NLRP9: variants seen among roughly 807,000 people sequenced by gnomAD.
The protein encoded by NLRP9 is NLR family pyrin domain containing 9, also known as NACHT, LRR and PYD domains-containing protein 9.
In NLRP9, 88 loss-of-function variants were observed where a neutral mutation model predicts 83.1. The observed-to-expected ratio is 1.06, with a 90% CI of 0.89 to 1.26. The LOEUF (loss-of-function observed/expected upper bound fraction) is 1.26, where lower values mean the gene tolerates loss of function less well. Among genes scored for constraint, NLRP9 ranks in the 50% most tolerant of loss-of-function variants. The pLI is 0.00. For missense variants in NLRP9, 1,308 were observed against 1,179.3 expected, an observed-to-expected ratio of 1.11 and a Z score of -1.60; for synonymous variants, 521 against 447.6, an observed-to-expected ratio of 1.16 and a Z score of -2.07.
rs113388023 is a variant in NLRP9 at position 55,713,928 on chromosome 19, G to A, written c.2501+1127C>T. Among the ~76,000 whole-genome samples, 1,062 of 115,070 alleles carry A rather than the reference G, an allele frequency of 9.2e-3. 35 individuals carry two copies. Among genetic ancestry groups the A allele is most frequent in the African/African-American group, 0.035 (1,003 of 28,626 alleles). The allele number at this position is 115,070 out of a possible 152,430, so 75.5% of individuals were successfully genotyped here. A position where few individuals can be genotyped will look rare whatever the true frequency, so the allele number is the denominator to read the frequency against. Reference sequence around the variant, plus strand: ...CATCTAGTGGCTGAGAACCAGGGAAGCTGCTCAACACCCTAGGAAGCATGG... The same window carrying A: ...CATCTAGTGGCTGAGAACCAGGGAAACTGCTCAACACCCTAGGAAGCATGG... On this transcript the variant is annotated intron_variant, in intron 6 of 8. Coordinates refer to ENST00000332836, the MANE Select transcript of NLRP9 (RefSeq NM_176820.4).
Position 55,733,388 on chromosome 19 carries a change from A to T in NLRP9, c.443T>A (p.Val148Glu). 6.2e-7 allele frequency: 1 copy of T among 1,614,188 alleles called. No homozygotes were observed. The highest frequency in any genetic ancestry group is 8.5e-7 in the Non-Finnish European group (1 of 1,180,026). ...AYTAAARRHT[V>E]VLEGPDGIGK... ...AATTCCATCAGGACCTTCCAGGACC[A>T]CAGTGTGTCGTCTAGCCGCAGCAGT... The change falls in exon 2 of 9, where the codon GTG becomes GAG. Residue 148 changes from valine (V) to glutamate (E), a missense_variant. By Grantham distance (121) the Val-to-Glu change is moderately radical. Coordinates refer to ENST00000332836, the MANE Select transcript of NLRP9 (RefSeq NM_176820.4).
At chr19:55,715,830 C>T (rs980078787) in intron 5 of NLRP9, among the ~76,000 whole-genome samples, 1 of 152,196 alleles carries the variant, frequency 6.6e-6, no homozygotes, top group African/African-American at 2.4e-5. Context: ...AAAAGTCACC[C>T]ATTCTTTGCA....
chr19:55,714,969 G>T, intron 6 of NLRP9, 86 bp downstream of exon 6: 1 of 1,274,114 alleles, frequency 7.8e-7, no homozygotes, highest in Non-Finnish European at 1.1e-6. Flanking sequence ...TCAGATGCTA[G>T]CATATCCCTT....
intron 2 of NLRP9, 132 bp downstream of exon 2, chr19:55,731,867 G>A (rs967263780): frequency 2.4e-5 from 14 of 595,234 alleles, no homozygotes; most frequent in African/African-American, 5.6e-5. Flanking sequence ...GCCAAGGCTC[G>A]AAAGGAAGGC....
Position 55,733,307 on chromosome 19 carries a change from C to T in NLRP9, c.524G>A (p.Trp175Ter), listed in dbSNP as rs1466339921. ...AAACACAAATGTGAACCTGTCCTTC[C>T]ATAAGTTTCCCTCTGCCCAGTCCAA... ...VMLDWAEGNL[W>*]KDRFTFVFFL... The change falls in exon 2 of 9, where the codon TGG becomes TAG. Residue 175 changes from tryptophan to a stop codon, truncating the protein, a stop_gained. Transcript: ENST00000332836. LOFTEE classifies it high-confidence loss of function. 3.7e-6 allele frequency: 6 copies of T among 1,613,974 alleles called. No individual in the cohort carries two copies. The highest frequency in any genetic ancestry group is 5.1e-6 in the Non-Finnish European group (6 of 1,179,936).
chr19:55,738,350 A>G lies in NLRP9; in HGVS notation c.25T>C (p.Phe9Leu). The change falls in exon 1 of 9, where the codon TTT becomes CTT. Residue 9 changes from phenylalanine (F) to leucine (L), a missense_variant. Coordinates refer to ENST00000332836, the MANE Select transcript of NLRP9 (RefSeq NM_176820.4). ...TCCTTCAGATACCACAACAAGCCAA[A>G]ATCCGAAAAAAAAGATTCTGCCATA... MAESFFSDFGLLWYLKELR... is the reference protein window; with the variant it reads MAESFFSDLGLLWYLKELR... The G allele has an allele frequency of 6.2e-7, 1 of 1,613,518 alleles. No individual in the cohort carries two copies. The highest frequency in any genetic ancestry group is 1.1e-5 in the South Asian group (1 of 91,042).
At chr19:55,712,086 G>T in intron 7 of NLRP9, 116 bp from the exon 8 acceptor site, 1 of 1,029,582 alleles carries the variant, frequency 9.7e-7, no homozygotes, top group Non-Finnish European at 1.4e-6. Context: ...GTCTAGACCC[G>T]GGCTTCTCAG....
At chr19:55,718,396 G>A (rs1008152299) in intron 4 of NLRP9, among the ~76,000 whole-genome samples, 9 of 152,016 alleles carry the variant, frequency 5.9e-5, no homozygotes, top group African/African-American at 1.9e-4. Context: ...TCTCCTGCTG[G>A]TCCCTGGGAA....
At chr19:55,720,451 G>A (rs993078217) in intron 4 of NLRP9, among the ~76,000 whole-genome samples, 4 of 152,118 alleles carry the variant, frequency 2.6e-5, no homozygotes, top group Admixed American at 1.3e-4. Context: ...TCAGCCTGAT[G>A]AGTAAGCCGT....
At chr19:55,728,098 T>A (rs1407380452) in intron 3 of NLRP9, among the ~76,000 whole-genome samples, 1 of 152,144 alleles carries the variant, frequency 6.6e-6, no homozygotes, top group African/African-American at 2.4e-5. Context: ...CATTAAGGAT[T>A]CAATGTCCGT....
At chr19:55,735,592 C>G (rs1425783868) in intron 1 of NLRP9, among the ~76,000 whole-genome samples, 1 of 152,174 alleles carries the variant, frequency 6.6e-6, no homozygotes, top group African/African-American at 2.4e-5. Flanking sequence ...ACTGTATATA[C>G]TATTTTCAAA....
At chr19:55,717,323 G>A (rs966301113) in intron 4 of NLRP9, among the ~76,000 whole-genome samples, 5 of 152,086 alleles carry the variant, frequency 3.3e-5, no homozygotes, top group African/African-American at 1.2e-4. Flanking sequence ...ATGAGCCACC[G>A]CGCCCGGCCA....
At chr19:55,721,646 G>A (rs539569831) in intron 4 of NLRP9, among the ~76,000 whole-genome samples, 22 of 152,192 alleles carry the variant, frequency 1.4e-4, no homozygotes, top group African/African-American at 4.1e-4. Context: ...CAGCATCCTT[G>A]GTGATATGGT....
intron 2 of NLRP9, among the ~76,000 whole-genome samples, chr19:55,731,560 CCAAAAATA>C (rs200913459): frequency 0.014 from 2,167 of 151,758 alleles, 59 homozygotes; most frequent in African/African-American, 0.05. Context: ...CCTGTCTCTA[CCAAAAATA>C]CAAAAATTAG....
chr19:55,726,771 G>A lies in NLRP9; in HGVS notation c.1995-2627C>T, dbSNP rs147526041. ...CTAACCTTGGGGAGGCATTAGAATC[G>A]ATGTTGAAGGAATGAGCTCTGGCTT... On this transcript the variant is annotated intron_variant, in intron 3 of 8. Coordinates refer to ENST00000332836, the MANE Select transcript of NLRP9 (RefSeq NM_176820.4). Among the ~76,000 whole-genome samples the A allele has an allele frequency of 1.6e-3, 238 of 152,208 alleles. 2 individuals are homozygous for A. Among genetic ancestry groups the A allele is most frequent in the African/African-American group, 5.4e-3 (226 of 41,522 alleles).
intron 2 of NLRP9, among the ~76,000 whole-genome samples, 157 bp downstream of exon 2, chr19:55,731,842 T>A (rs62126981): frequency 6.6e-6 from 1 of 152,076 alleles, no homozygotes; most frequent in Non-Finnish European, 1.5e-5. Context: ...TTGCAGCTCA[T>A]GATCCCACAG....
At position 55,708,849 on chromosome 19, in the gene NLRP9, G is replaced by C. The variant is rs542986968; in HGVS notation, c.*63C>G. 6.2e-5 allele frequency: 78 copies of C among 1,250,972 alleles called. No individual in the cohort carries two copies. The African/African-American group carries it at 8.2e-4, about 13-fold the overall frequency. The allele number at this position is 1,250,972 out of a possible 1,614,324, so 77.5% of individuals were successfully genotyped here. ...GTGCAATTACAGGATAGAGGTGCCA[G>C]GTGAAGGTCCCACTGTGGCCAAGGA... On this transcript the variant is annotated 3_prime_UTR_variant, in exon 9 of 9. Transcript: ENST00000332836.
chr19:55,713,550 G>A (rs1397358047), intron 6 of NLRP9, among the ~76,000 whole-genome samples: 1 of 126,710 alleles, frequency 7.9e-6, no homozygotes, highest in East Asian at 2.5e-4. Flanking sequence ...TACCACGCCA[G>A]GAGAGAAAGT....
At chr19:55,718,515 G>T (rs1157329430) in intron 4 of NLRP9, among the ~76,000 whole-genome samples, 3 of 152,236 alleles carry the variant, frequency 2.0e-5, no homozygotes, top group Non-Finnish European at 4.4e-5. Context: ...ACTGCTCTGT[G>T]ACTCTTTGCT....
Sources: gnomAD v4.1 joint callset for allele counts (sites outside exome capture counted in the v4.1 genomes callset) on GRCh38, gnomAD v4.1.1 for gene constraint, MANE v1.5 for transcripts, NCBI Gene and HGNC (gene_info 2026-07-23, HGNC 2026-07-21) for gene names.